Variants in SMAP2 observed in about 807,000 individuals in gnomAD.
SMAP2 encodes the protein stromal membrane-associated protein 2.
A neutral mutation model predicts 56.4 loss-of-function variants in SMAP2; 25 were observed. That is an observed-to-expected ratio of 0.44 (90% confidence interval 0.32 to 0.62). SMAP2 has a LOEUF of 0.62. SMAP2 is among the 20% of genes least tolerant of loss of function. SMAP2 has a pLI of 0.04. For synonymous variants in SMAP2, 157 were observed against 181.7 expected (o/e 0.86, Z 1.09); for missense variants, 388 against 545.6 (o/e 0.71, Z 2.88).
chr1:40,393,570 G>GAGT, intron 1 of SMAP2: 3 of 1,368,588 alleles, frequency 2.2e-6, no homozygotes, highest in Non-Finnish European at 2.9e-6. Context: ...TTTTGTGACA[G>GAGT]AGTCTTGCTC....
chr1:40,365,740 C>T (rs1372910497), intron 2 of SMAP2, among the ~76,000 whole-genome samples: 1 of 152,012 alleles, frequency 6.6e-6, no homozygotes, highest in Non-Finnish European at 1.5e-5. Context: ...GATAAAACCA[C>T]AAAGATGGGG....
intron 5 of SMAP2, among the ~76,000 whole-genome samples, chr1:40,413,571 G>T (rs531609116): frequency 2.0e-5 from 3 of 152,254 alleles, no homozygotes; most frequent in South Asian, 2.1e-4. Context: ...TTTTCCACAG[G>T]ACATATTGTG....
At position 40,407,993 on chromosome 1, in the gene SMAP2, G is replaced by A. The variant is rs114598676; in HGVS notation, c.238-660G>A. Among the ~76,000 whole-genome samples, 1,476 of 152,144 alleles carry A rather than the reference G, an allele frequency of 9.7e-3. 22 individuals are homozygous for A. Among genetic ancestry groups the A allele is most frequent in the African/African-American group, 0.032 (1,329 of 41,498 alleles). On this transcript the variant is annotated intron_variant, in intron 2 of 9. Transcript: ENST00000372718. ...TTTCTTTCTTGGGAGTAAAAGGGAAGCCCCCCGCCCCCCAAATCCAGTTGC... is the reference window on the plus strand; with the variant it reads ...TTTCTTTCTTGGGAGTAAAAGGGAAACCCCCCGCCCCCCAAATCCAGTTGC...
At chr1:40,412,681 A>G (rs1280813058) in intron 4 of SMAP2, among the ~76,000 whole-genome samples, 5 of 152,228 alleles carry the variant, frequency 3.3e-5, no homozygotes, top group African/African-American at 4.8e-5. Flanking sequence ...CTCTCAAAGC[A>G]TGGGCAAATT....
chr1:40,395,501 G>A (rs1240870544), intron 1 of SMAP2, among the ~76,000 whole-genome samples: 1 of 151,784 alleles, frequency 6.6e-6, no homozygotes, highest in Non-Finnish European at 1.5e-5. Context: ...GGGCAACATA[G>A]CAAGACCTCA....
chr1:40,382,150 T>C (rs79904641), intron 1 of SMAP2, among the ~76,000 whole-genome samples: 7,437 of 152,278 alleles, frequency 0.049, 213 homozygotes, highest in Admixed American at 0.062. Flanking sequence ...TCTGATGTCA[T>C]TATGGTATGT....
chr1:40,345,757 G>A (rs1018972623), intron 1 of SMAP2, among the ~76,000 whole-genome samples: 2 of 150,584 alleles, frequency 1.3e-5, no homozygotes, highest in Non-Finnish European at 3.0e-5. Flanking sequence ...CATCTATTGT[G>A]TATTATAATA....
intron 1 of SMAP2, among the ~76,000 whole-genome samples, chr1:40,405,087 T>C (rs892281490): frequency 4.8e-5 from 7 of 146,744 alleles, no homozygotes; most frequent in Non-Finnish European, 9.0e-5. Context: ...ATAAGTGATA[T>C]CTTTGTCAAA....
intron 1 of SMAP2, among the ~76,000 whole-genome samples, chr1:40,379,647 A>G (rs1027137601): frequency 6.8e-6 from 1 of 148,126 alleles, no homozygotes; most frequent in African/African-American, 2.5e-5. Flanking sequence ...CCCGGGTTCA[A>G]GTTCTCCTGC....
chr1:40,421,620 CT>C (rs1557475848), intron 9 of SMAP2, among the ~76,000 whole-genome samples: 1 of 152,074 alleles, frequency 6.6e-6, no homozygotes, highest in Non-Finnish European at 1.5e-5. Flanking sequence ...TTCCTTTCAG[CT>C]TTTAGGATTG....
Position 40,374,067 on chromosome 1 carries a change from G to T in SMAP2, c.-54G>T, listed in dbSNP as rs1038053473. 2 of 1,412,114 alleles carry T rather than the reference G, an allele frequency of 1.4e-6. No homozygotes were observed. Among genetic ancestry groups the T allele is most frequent in the South Asian group, 1.2e-5 (1 of 83,392 alleles). 87.5% of individuals were successfully genotyped at this position (1,412,114 alleles called of 1,614,324 possible). A position where few individuals can be genotyped will look rare whatever the true frequency, so the allele number is the denominator to read the frequency against. ...TCCTCAACCCCGGACTGAGGCAGGG[G>T]TCTCTGGGGGCGAGGAGGGCGCGTC... is the stretch of plus-strand genomic sequence containing the variant. On this transcript the variant is annotated 5_prime_UTR_variant, in exon 1 of 10. Transcript: ENST00000372718. This position sits in a 1 kb window ranked among gnomAD's most constrained non-coding sequence, Gnocchi z 5.9.
Position 40,419,577 on chromosome 1 carries a change from G to A in SMAP2, c.1165-2399G>A, listed in dbSNP as rs770936617. On this transcript the variant is annotated intron_variant, in intron 9 of 9. Coordinates refer to ENST00000372718, the MANE Select transcript of SMAP2 (RefSeq NM_022733.3). ...TGGGATTACAGGCATGAGCCACTGC[G>A]CCCAGCTGAGAATTTTTAAAAACAG... Among the ~76,000 whole-genome samples, 13 of 152,174 alleles carry A rather than the reference G, an allele frequency of 8.5e-5. 1 individual carries two copies. Among genetic ancestry groups the A allele is most frequent in the East Asian group, 1.9e-4 (1 of 5,178 alleles).
At chr1:40,362,055 T>C (rs1163994945) in intron 1 of SMAP2, among the ~76,000 whole-genome samples, 1 of 152,122 alleles carries the variant, frequency 6.6e-6, no homozygotes, top group Non-Finnish European at 1.5e-5. Context: ...AGATGGCTGT[T>C]GCCCTCAAAG....
chr1:40,363,929 G>T (rs562504516), intron 2 of SMAP2, among the ~76,000 whole-genome samples: 1 of 152,158 alleles, frequency 6.6e-6, no homozygotes, highest in South Asian at 2.1e-4. Context: ...GGGGAATCAC[G>T]AAGCTCACTA....
Position 40,356,815 on chromosome 1 carries a change from C to T in SMAP2, c.-82-5485C>T, listed in dbSNP as rs556500257. On this transcript the variant is annotated intron_variant, in intron 1 of 6. Coordinates refer to the SMAP2 transcript ENST00000435168. Reference sequence around the variant, plus strand: ...GAGGGTTCCCTTTTCTTCACATCCTCTCTAGTGTTCGTTATTGCCTGTCTT... The same window carrying T: ...GAGGGTTCCCTTTTCTTCACATCCTTTCTAGTGTTCGTTATTGCCTGTCTT... 2.0e-5 allele frequency among the ~76,000 whole-genome samples: 3 copies of T among 152,292 alleles called. No homozygotes were observed. In the South Asian group the frequency reaches 6.2e-4, roughly 32 times the overall value.
chr1:40,345,075 T>C (rs1051986210), intron 1 of SMAP2, among the ~76,000 whole-genome samples: 2 of 152,110 alleles, frequency 1.3e-5, no homozygotes, highest in Non-Finnish European at 2.9e-5. Flanking sequence ...AAGACTGACA[T>C]TTATTTGCTT....
At chr1:40,379,195 C>T (rs1644571618) in intron 1 of SMAP2, among the ~76,000 whole-genome samples, 1 of 152,092 alleles carries the variant, frequency 6.6e-6, no homozygotes, top group Non-Finnish European at 1.5e-5. Flanking sequence ...TGGCCTCGAA[C>T]TCCTGGCCTC....
chr1:40,415,227 G>A (rs758692516), intron 6 of SMAP2, 45 bp from the exon 7 acceptor site: 1 of 1,421,170 alleles, frequency 7.0e-7, no homozygotes, highest in Non-Finnish European at 9.9e-7. Flanking sequence ...GAAGGCATGG[G>A]CTTAATAAGC....
chr1:40,365,440 A>G (rs1414180460), intron 2 of SMAP2, among the ~76,000 whole-genome samples: 2 of 152,198 alleles, frequency 1.3e-5, no homozygotes, highest in South Asian at 2.1e-4. Context: ...ATTCATTCCA[A>G]TTTTCTGAAA....
Sources: allele counts gnomAD v4.1 joint callset (sites outside exome capture counted in the v4.1 genomes callset), GRCh38; gene constraint gnomAD v4.1.1; non-coding constraint Gnocchi (gnomAD v3.1); transcripts MANE v1.5; gene names NCBI Gene and HGNC (gene_info 2026-07-23, HGNC 2026-07-21).